Variants in RTL4 observed in about 807,000 individuals in gnomAD.
RTL4 encodes the protein retrotransposon Gag-like protein 4.
In RTL4, 4 loss-of-function variants were observed where a neutral mutation model predicts 5.3. The observed-to-expected ratio is 0.75, with a 90% CI of 0.37 to 1.72. RTL4 has a LOEUF of 1.72. Among genes scored for constraint, RTL4 ranks in the 40% most tolerant of loss-of-function variants. The pLI is 0.04. For synonymous variants in RTL4, 98 were observed against 87.3 expected, an observed-to-expected ratio of 1.12 and a Z score of -0.68; for missense variants, 260 against 227.1, an observed-to-expected ratio of 1.14 and a Z score of -0.93.
the RTL4 span, among the ~76,000 whole-genome samples, chrX:112,094,661 G>C: frequency 5.4e-5 from 6 of 111,496 alleles, no homozygotes; most frequent in African/African-American, 1.6e-4. Context: ...GAAAATACCA[G>C]GGAGAAAGGA....
the RTL4 span, among the ~76,000 whole-genome samples, chrX:112,105,916 G>A: frequency 9.0e-6 from 1 of 111,382 alleles, no homozygotes; most frequent in Non-Finnish European, 1.9e-5. Context: ...CCAGTTTTAT[G>A]TTGAATGGAA....
At chrX:112,342,877 G>A in the RTL4 span, among the ~76,000 whole-genome samples, 1 of 111,647 alleles carries the variant, frequency 9.0e-6, no homozygotes, top group Admixed American at 9.5e-5. Flanking sequence ...CAAGGCGGGC[G>A]GATCACAGGA....
the RTL4 span, among the ~76,000 whole-genome samples, chrX:112,209,440 G>A: frequency 2.7e-5 from 3 of 112,201 alleles, no homozygotes; most frequent in East Asian, 5.6e-4. Flanking sequence ...GGATGTCCTA[G>A]AAAGGGGCTG....
the RTL4 span, among the ~76,000 whole-genome samples, chrX:112,398,316 C>G: frequency 1.8e-5 from 2 of 109,162 alleles, no homozygotes; most frequent in Non-Finnish European, 3.8e-5. Flanking sequence ...GTTTGTTGTA[C>G]TAAACTTTTA....
the RTL4 span, among the ~76,000 whole-genome samples, chrX:112,341,866 T>C: frequency 9.9e-5 from 11 of 111,368 alleles, no homozygotes; most frequent in African/African-American, 2.0e-4. Flanking sequence ...ACAATCTCTA[T>C]GTAAGTAATG....
At chrX:112,239,718 C>T in the RTL4 span, among the ~76,000 whole-genome samples, 7 of 111,632 alleles carry the variant, frequency 6.3e-5, no homozygotes, top group Admixed American at 6.7e-4. Flanking sequence ...AACTTCCATT[C>T]CACCATCTGC....
the RTL4 span, among the ~76,000 whole-genome samples, chrX:112,230,708 A>G: frequency 8.9e-6 from 1 of 112,300 alleles, no homozygotes; most frequent in Non-Finnish European, 1.9e-5. Context: ...AATGGCAATA[A>G]AAGCCAAAAT....
chrX:112,087,318 T>C, the RTL4 span, among the ~76,000 whole-genome samples: 1 of 108,767 alleles, frequency 9.2e-6, no homozygotes, highest in Admixed American at 9.8e-5. Flanking sequence ...CAGGAGTAGA[T>C]TGGTCTTCAG....
the RTL4 span, among the ~76,000 whole-genome samples, chrX:112,371,738 C>G: frequency 4.8e-4 from 54 of 111,720 alleles, no homozygotes; most frequent in African/African-American, 1.7e-3. Flanking sequence ...TCATGTCCAT[C>G]TCTCTATTCA....
chrX:112,226,971 T>TAAATA, the RTL4 span, among the ~76,000 whole-genome samples: 2 of 74,910 alleles, frequency 2.7e-5, no homozygotes, highest in Non-Finnish European at 5.1e-5. Flanking sequence ...TAAAATAAAA[T>TAAATA]AATAAAATAA....
At chrX:112,335,594 A>T in the RTL4 span, among the ~76,000 whole-genome samples, 2 of 110,565 alleles carry the variant, frequency 1.8e-5, no homozygotes, top group African/African-American at 6.5e-5. Context: ...TATGGGTTTT[A>T]TTATAAAGTA....
the RTL4 span, among the ~76,000 whole-genome samples, chrX:112,123,322 A>C: frequency 8.9e-6 from 1 of 112,521 alleles, no homozygotes. Context: ...TACAAGTTAC[A>C]CAAATTGCAT....
At chrX:112,409,150 T>C in the RTL4 span, among the ~76,000 whole-genome samples, 1 of 112,314 alleles carries the variant, frequency 8.9e-6, no homozygotes, top group African/African-American at 3.2e-5. Flanking sequence ...GTATCTGTGG[T>C]GTGTAAACTA....
chrX:112,431,310 G>A, the RTL4 span, among the ~76,000 whole-genome samples: 1 of 111,255 alleles, frequency 9.0e-6, no homozygotes, highest in African/African-American at 3.3e-5. Flanking sequence ...AGAATGCTCT[G>A]GCTTATTTTA....
At chrX:112,165,390 C>T in the RTL4 span, among the ~76,000 whole-genome samples, 9 of 111,755 alleles carry the variant, frequency 8.1e-5, no homozygotes, top group African/African-American at 2.6e-4. Flanking sequence ...CCATCCTATC[C>T]AACACTTGAT....
At chrX:112,201,218 A>G in the RTL4 span, among the ~76,000 whole-genome samples, 20 of 110,658 alleles carry the variant, frequency 1.8e-4, no homozygotes, top group Non-Finnish European at 3.4e-4. Context: ...TGAGAACTGC[A>G]TGGGGGAAAC....
chrX:112,092,046 C>CT, the RTL4 span, among the ~76,000 whole-genome samples: 3 of 111,198 alleles, frequency 2.7e-5, no homozygotes, highest in Non-Finnish European at 5.7e-5. Context: ...TATCCTAAGC[C>CT]TTTTTTGTTA....
chrX:112,393,155 T>C, the RTL4 span, among the ~76,000 whole-genome samples: 6 of 96,338 alleles, frequency 6.2e-5, no homozygotes, highest in Non-Finnish European at 1.2e-4. Context: ...TTCTTTTTTT[T>C]TTTTTGTTTT....
chrX:112,109,910 G>C, the RTL4 span, among the ~76,000 whole-genome samples: 17 of 111,947 alleles, frequency 1.5e-4, no homozygotes, highest in Admixed American at 1.6e-3. Context: ...GGTTGGTCCA[G>C]AGGTCCTTGG....
Sources: gnomAD v4.1 joint callset for allele counts (sites outside exome capture counted in the v4.1 genomes callset) on GRCh38, gnomAD v4.1.1 for gene constraint, MANE v1.5 for transcripts, NCBI Gene and HGNC (gene_info 2026-07-23, HGNC 2026-07-21) for gene names.